Variants in SWAP70 observed in about 807,000 individuals in gnomAD.
SWAP70 encodes switching B cell complex subunit SWAP70.
SWAP70 carries 34 observed loss-of-function variants against 80.2 expected under a neutral mutation model. The ratio of observed to expected loss-of-function variants is 0.42; its 90% CI spans 0.32 to 0.56. The LOEUF is 0.56. Among genes scored for constraint, SWAP70 ranks in the 20% least tolerant of loss-of-function variants. The probability of loss-of-function intolerance (pLI) is 0.09; values close to 1 mark genes in which losing one functional copy is unlikely to be tolerated. For missense variants in SWAP70, 578 were observed against 690.7 expected (o/e 0.84, Z 1.83); for synonymous variants, 239 against 238.5 (o/e 1.00, Z -0.02).
At chr11:9,687,649 A>G (rs1316056227) in intron 1 of SWAP70, among the ~76,000 whole-genome samples, 1 of 152,190 alleles carries the variant, frequency 6.6e-6, no homozygotes, top group Non-Finnish European at 1.5e-5. Flanking sequence ...GCTGTATGAC[A>G]TCAGTGGCAT....
intron 2 of SWAP70, among the ~76,000 whole-genome samples, chr11:9,696,738 A>G (rs1176037703): frequency 6.6e-6 from 1 of 152,180 alleles, no homozygotes; most frequent in Non-Finnish European, 1.5e-5. Context: ...ATTTATATCA[A>G]AAGTTTGTGA....
chr11:9,708,813 G>A (rs1333697007), intron 2 of SWAP70, among the ~76,000 whole-genome samples: 1 of 152,128 alleles, frequency 6.6e-6, no homozygotes, highest in African/African-American at 2.4e-5. Context: ...GAAATGTTCT[G>A]CATAGATGGC....
intron 2 of SWAP70, among the ~76,000 whole-genome samples, chr11:9,709,526 A>G (rs978126176): frequency 9.2e-5 from 14 of 152,100 alleles, no homozygotes; most frequent in Admixed American, 2.6e-4. Context: ...AAATCCAAGT[A>G]TAACTTTTTT....
At chr11:9,671,873 T>C (rs1415281827) in intron 1 of SWAP70, among the ~76,000 whole-genome samples, 1 of 101,744 alleles carries the variant, frequency 9.8e-6, no homozygotes, top group African/African-American at 4.5e-5. Context: ...TATTTATAAT[T>C]TAAATATAAT....
chr11:9,697,174 T>A (rs532825099), intron 2 of SWAP70, among the ~76,000 whole-genome samples: 5 of 152,142 alleles, frequency 3.3e-5, no homozygotes, highest in South Asian at 2.1e-4. Flanking sequence ...GTATAATTTT[T>A]AAAATAGTTT....
chr11:9,666,523 G>A (rs376106307), intron 1 of SWAP70, among the ~76,000 whole-genome samples: 30 of 152,180 alleles, frequency 2.0e-4, no homozygotes, highest in African/African-American at 7.2e-4. Context: ...TAAGGAGAAT[G>A]TAGAAAACTT....
chr11:9,728,037 A>G lies in SWAP70; in HGVS notation c.643-16A>G. On this transcript the variant is annotated splice_polypyrimidine_tract_variant and intron_variant, in intron 4 of 11. Coordinates refer to ENST00000318950, the MANE Select transcript of SWAP70 (RefSeq NM_015055.4). ...ATAAAAAGACAATAATTTATATCAC[A>G]TTTAATCTTTCACAGGGTTACATGA... 1 of 1,579,750 alleles carries G rather than the reference A, an allele frequency of 6.3e-7. No homozygotes were observed. Among genetic ancestry groups the G allele is most frequent in the Non-Finnish European group, 8.6e-7 (1 of 1,167,788 alleles).
intron 1 of SWAP70, among the ~76,000 whole-genome samples, chr11:9,682,755 C>T (rs1320491210): frequency 1.3e-5 from 2 of 152,194 alleles, no homozygotes; most frequent in Non-Finnish European, 2.9e-5. Context: ...GTGCGCACTG[C>T]AACCTCCGCC....
chr11:9,748,690 C>T lies in SWAP70; in HGVS notation c.1555-397C>T, dbSNP rs574666564. On this transcript the variant is annotated intron_variant, in intron 10 of 11. Transcript: ENST00000318950. ...CACCCTCTACTGACAAAGCTTTATG[C>T]TGCCAGCTAGTGAGGAGAATTATTT... 8.9e-5 allele frequency among the ~76,000 whole-genome samples: 10 copies of T among 112,044 alleles called. No homozygotes were observed. In the East Asian group the frequency reaches 2.3e-3, roughly 25 times the overall value. 73.5% of individuals were successfully genotyped at this position (112,044 alleles called of 152,430 possible).
chr11:9,713,151 A>G (rs1390680), intron 2 of SWAP70, among the ~76,000 whole-genome samples: 15,538 of 152,252 alleles, frequency 0.1, 1,540 homozygotes, highest in African/African-American at 0.25. Context: ...TTGAGAGGTC[A>G]GTGCTAGGAT....
At position 9,705,372 on chromosome 11, in the gene SWAP70, A is replaced by G. The variant is rs1250770267; in HGVS notation, c.241-8094A>G. Among the ~76,000 whole-genome samples the G allele has an allele frequency of 2.2e-5, 3 of 136,736 alleles. 1 individual carries two copies. Among genetic ancestry groups the G allele is most frequent in the Admixed American group, 7.2e-5 (1 of 13,876 alleles). 89.7% of individuals were successfully genotyped at this position (136,736 alleles called of 152,430 possible). A position where few individuals can be genotyped will look rare whatever the true frequency, so the allele number is the denominator to read the frequency against. On this transcript the variant is annotated intron_variant, in intron 2 of 11. Transcript: ENST00000318950. ...ACTGGTGATCTGTGTATACTTGGTG[A>G]TCTGTATACACTGGTGATCTGTATA...
At chr11:9,729,504 C>CT (rs34125178) in intron 6 of SWAP70, 53 bp downstream of exon 6, 117,112 of 1,216,000 alleles carry the variant, frequency 0.096, 4,104 homozygotes, top group East Asian at 0.28. Context: ...CTCTGACTTT[C>CT]TTTTTTTTTT....
intron 9 of SWAP70, 115 bp downstream of exon 9, chr11:9,740,462 C>T (rs1204867623): frequency 9.0e-7 from 1 of 1,112,836 alleles, no homozygotes; most frequent in Non-Finnish European, 1.4e-6. Context: ...CTGGCTGTGA[C>T]TGAGCTCGAG....
intron 3 of SWAP70, among the ~76,000 whole-genome samples, chr11:9,716,891 G>T (rs1851073497): frequency 6.6e-6 from 1 of 152,194 alleles, no homozygotes; most frequent in African/African-American, 2.4e-5. Flanking sequence ...TTCTGTAGCA[G>T]AAAGAGGAAG....
chr11:9,699,304 G>T (rs995256831), intron 2 of SWAP70, among the ~76,000 whole-genome samples: 1 of 151,936 alleles, frequency 6.6e-6, no homozygotes, highest in Non-Finnish European at 1.5e-5. Flanking sequence ...GAATTTTATG[G>T]TATGTGAATT....
intron 2 of SWAP70, among the ~76,000 whole-genome samples, chr11:9,707,878 A>T (rs534617174): frequency 1.4e-3 from 139 of 98,128 alleles, no homozygotes; most frequent in Middle Eastern, 9.4e-3. Context: ...TAAAAAATTT[A>T]AAAAAAAATT....
intron 2 of SWAP70, among the ~76,000 whole-genome samples, chr11:9,695,059 C>T (rs1470194904): frequency 6.6e-5 from 10 of 152,074 alleles, no homozygotes; most frequent in Admixed American, 6.5e-5. Flanking sequence ...GAGGCCGAGG[C>T]GGGCAGATCA....
chr11:9,713,777 T>C, intron 3 of SWAP70, 138 bp downstream of exon 3: 1 of 1,013,332 alleles, frequency 9.9e-7, no homozygotes, highest in South Asian at 1.7e-5. Context: ...CAAAGCAGCC[T>C]GAGTATAGAA....
At chr11:9,725,555 ATATATATATATATATTTTT>A (rs1262214849) in intron 4 of SWAP70, among the ~76,000 whole-genome samples, 156 of 11,204 alleles carry the variant, frequency 0.014, 3 homozygotes, top group Non-Finnish European at 0.027. Flanking sequence ...ATATATATAT[ATATATATATATATATTTTT>A]TTTTTTTTTT....
Sources: allele counts gnomAD v4.1 joint callset (sites outside exome capture counted in the v4.1 genomes callset), GRCh38; gene constraint gnomAD v4.1.1; transcripts MANE v1.5; gene names NCBI Gene and HGNC (gene_info 2026-07-23, HGNC 2026-07-21).